CDYL: variants seen among roughly 807,000 people sequenced by gnomAD.
CDYL encodes chromodomain Y like, also known as chromodomain Y-like protein.
In CDYL, 8 loss-of-function variants were observed where a neutral mutation model predicts 47.3. The observed-to-expected ratio is 0.17, with a 90% CI of 0.10 to 0.31. The LOEUF (loss-of-function observed/expected upper bound fraction) is 0.31. Among genes scored for constraint, CDYL ranks in the 10% least tolerant of loss-of-function variants. The pLI is 1.00. For synonymous variants in CDYL, 266 were observed against 265.0 expected (o/e 1.00, Z -0.04); for missense variants, 471 against 701.4 (o/e 0.67, Z 3.71).
At chr6:4,853,492 TCTC>T (rs1245120923) in intron 1 of CDYL, among the ~76,000 whole-genome samples, 1 of 152,030 alleles carries the variant, frequency 6.6e-6, no homozygotes, top group Non-Finnish European at 1.5e-5. Flanking sequence ...TCTTCCTCCT[TCTC>T]CTTCTCATTC....
intron 1 of CDYL, among the ~76,000 whole-genome samples, chr6:4,851,242 G>A (rs1308176160): frequency 7.2e-5 from 11 of 152,186 alleles, no homozygotes; most frequent in African/African-American, 2.7e-4. Context: ...CTGTAAAATG[G>A]ACGTAACAGC....
chr6:4,902,120 CG>C (rs1757075969), intron 2 of CDYL, among the ~76,000 whole-genome samples: 1 of 152,030 alleles, frequency 6.6e-6, no homozygotes, highest in South Asian at 2.1e-4. Flanking sequence ...CAATAGAGGC[CG>C]GGTGCAGTGG....
intron 3 of CDYL, among the ~76,000 whole-genome samples, chr6:4,735,925 G>A (rs1219100659): frequency 6.6e-6 from 1 of 151,690 alleles, no homozygotes; most frequent in Non-Finnish European, 1.5e-5. Context: ...TGGGATGAGA[G>A]CACCTAACAG....
intron 2 of CDYL, among the ~76,000 whole-genome samples, chr6:4,717,157 G>A (rs1757280361): frequency 1.3e-5 from 2 of 152,176 alleles, no homozygotes; most frequent in South Asian, 4.1e-4. Flanking sequence ...GGCTGGAGCA[G>A]TGAGGGGCTC....
chr6:4,752,357 A>C (rs946804157), intron 3 of CDYL, among the ~76,000 whole-genome samples: 1 of 152,176 alleles, frequency 6.6e-6, no homozygotes, highest in Non-Finnish European at 1.5e-5. Context: ...TTAAAGCTGT[A>C]AGTCATTCAG....
intron 1 of CDYL, among the ~76,000 whole-genome samples, chr6:4,786,024 G>A (rs1000035173): frequency 6.6e-6 from 1 of 152,186 alleles, no homozygotes; most frequent in South Asian, 2.1e-4. Flanking sequence ...TTTAAAAAGT[G>A]TTGCTATGTA....
chr6:4,865,124 T>C (rs1761281924), intron 1 of CDYL, among the ~76,000 whole-genome samples: 1 of 152,182 alleles, frequency 6.6e-6, no homozygotes, highest in African/African-American at 2.4e-5. Flanking sequence ...GTTCCCCTCA[T>C]CACCTGCTGC....
Position 4,893,562 on chromosome 6 carries a change from G to A in CDYL, c.691+1183G>A, listed in dbSNP as rs192735485. Among the ~76,000 whole-genome samples, 141 of 152,224 alleles carry A rather than the reference G, an allele frequency of 9.3e-4. 1 individual carries two copies. Among genetic ancestry groups the A allele is most frequent in the Admixed American group, 1.4e-3 (21 of 15,290 alleles). ...ACAAAAATTAGCCAGGCGCGGTGGCGCGCACCTGTAATCCCGGCTGCTCAG... is the reference window on the plus strand; with the variant it reads ...ACAAAAATTAGCCAGGCGCGGTGGCACGCACCTGTAATCCCGGCTGCTCAG... On this transcript the variant is annotated intron_variant, in intron 2 of 6. Transcript: ENST00000397588.
At position 4,873,361 on chromosome 6, in the gene CDYL, CA is replaced by C. The variant is rs1761527927; in HGVS notation, c.25-18348del. ...TGATAATGACTACTATGACTTTTAG[CA>C]AAAGGGGTATATTTAATTTTTATGC... On this transcript the variant is annotated intron_variant, in intron 1 of 6. Coordinates refer to ENST00000397588, the MANE Select transcript of CDYL (RefSeq NM_004824.4). Among the ~76,000 whole-genome samples, 4 of 152,170 alleles carry C rather than the reference CA, an allele frequency of 2.6e-5. No individual in the cohort carries two copies. The South Asian group carries it at 8.3e-4, about 32-fold the overall frequency.
intron 1 of CDYL, among the ~76,000 whole-genome samples, chr6:4,864,987 C>T (rs1375764805): frequency 2.0e-5 from 3 of 152,166 alleles, no homozygotes; most frequent in Non-Finnish European, 2.9e-5. Context: ...ATCAGTATGT[C>T]AGTGTGTTCA....
chr6:4,797,922 G>A (rs1006873590), intron 1 of CDYL, among the ~76,000 whole-genome samples: 9 of 149,474 alleles, frequency 6.0e-5, no homozygotes, highest in South Asian at 2.1e-4. Context: ...TATTTTCTGT[G>A]TTGTTGTTGT....
chr6:4,876,296 A>G (rs922431783), intron 1 of CDYL, among the ~76,000 whole-genome samples: 5 of 152,230 alleles, frequency 3.3e-5, no homozygotes. Flanking sequence ...CAGAGCTCCT[A>G]TAAATATTTT....
intron 1 of CDYL, among the ~76,000 whole-genome samples, chr6:4,815,944 C>A (rs1020262049): frequency 6.8e-6 from 1 of 148,062 alleles, no homozygotes. Context: ...TAAACACCCT[C>A]CTATATTTTC....
intron 1 of CDYL, among the ~76,000 whole-genome samples, chr6:4,882,988 A>G (rs1761803841): frequency 6.6e-6 from 1 of 152,146 alleles, no homozygotes; most frequent in African/African-American, 2.4e-5. Context: ...ATAACCCATG[A>G]GATGTTACCA....
chr6:4,843,446 G>A (rs1336986926), intron 1 of CDYL, among the ~76,000 whole-genome samples: 1 of 149,670 alleles, frequency 6.7e-6, no homozygotes, highest in Non-Finnish European at 1.5e-5. Context: ...TTCTTCCTCA[G>A]TAACACCATT....
chr6:4,902,731 G>C (rs887083713), intron 2 of CDYL, among the ~76,000 whole-genome samples: 6 of 92,154 alleles, frequency 6.5e-5, no homozygotes, highest in Non-Finnish European at 1.2e-4. Context: ...GATCCCCTTG[G>C]AGAAGGTGCC....
At chr6:4,900,940 G>A in intron 2 of CDYL, among the ~76,000 whole-genome samples, 1 of 149,570 alleles carries the variant, frequency 6.7e-6, no homozygotes, top group Non-Finnish European at 1.5e-5. Context: ...TTTGAGCTGT[G>A]GCGTGCATGC....
chr6:4,786,731 T>A (rs183200973), intron 1 of CDYL, among the ~76,000 whole-genome samples: 19 of 152,296 alleles, frequency 1.2e-4, no homozygotes, highest in Admixed American at 1.1e-3. Context: ...CCTGTTGGAA[T>A]GAGGACCAAT....
At chr6:4,922,567 G>A (rs1037399838) in intron 2 of CDYL, among the ~76,000 whole-genome samples, 14 of 152,316 alleles carry the variant, frequency 9.2e-5, no homozygotes, top group Non-Finnish European at 8.8e-5. Context: ...CGAGCAGCAC[G>A]GCGTAATCCA....
Sources: allele counts gnomAD v4.1 joint callset (sites outside exome capture counted in the v4.1 genomes callset), GRCh38; gene constraint gnomAD v4.1.1; transcripts MANE v1.5; gene names NCBI Gene and HGNC (gene_info 2026-07-23, HGNC 2026-07-21).